DYM: variants seen among roughly 807,000 people sequenced by gnomAD.
The protein encoded by DYM is dyggve-Melchior-Clausen syndrome protein.
In DYM, 78 loss-of-function variants were observed where a neutral mutation model predicts 93.1. The observed-to-expected ratio is 0.84, with a 90% CI of 0.70 to 1.01. DYM has a LOEUF of 1.01. DYM is among the 50% of genes least tolerant of loss of function. The probability of loss-of-function intolerance (pLI) is 0.00; values close to 1 mark genes in which losing one functional copy is unlikely to be tolerated. For synonymous variants in DYM, 321 were observed against 319.7 expected (o/e 1.00, Z -0.04); for missense variants, 789 against 845.0 (o/e 0.93, Z 0.82).
intron 2 of DYM, among the ~76,000 whole-genome samples, chr18:49,400,863 T>C (rs2070732900): frequency 6.6e-6 from 1 of 152,198 alleles, no homozygotes; most frequent in African/African-American, 2.4e-5. Context: ...TTGCTGCCTG[T>C]TACAGGCATC....
In DYM at chr18:49,274,481, A is replaced by G. The variant is rs536526945; in HGVS notation, c.1126-2178T>C. Among the ~76,000 whole-genome samples, 19 of 152,266 alleles carry G rather than the reference A, an allele frequency of 1.2e-4. No homozygotes were observed. In the South Asian group the frequency reaches 3.9e-3, roughly 32 times the overall value. On this transcript the variant is annotated intron_variant, in intron 10 of 17. Coordinates refer to ENST00000675505, the MANE Select transcript of DYM (RefSeq NM_001353214.3). ...CATTTACAAGTTTTCCTGCAGACATATACTCATTTCTCTTGGGTATATATC... is the reference window on the plus strand; with the variant it reads ...CATTTACAAGTTTTCCTGCAGACATGTACTCATTTCTCTTGGGTATATATC...
intron 16 of DYM, among the ~76,000 whole-genome samples, chr18:49,098,955 G>A (rs1301950857): frequency 6.6e-6 from 1 of 152,058 alleles, no homozygotes; most frequent in Non-Finnish European, 1.5e-5. Flanking sequence ...ATCTTCACAG[G>A]TTGTAAACTG....
chr18:49,169,954 C>T (rs181429140), intron 14 of DYM, among the ~76,000 whole-genome samples: 162 of 152,060 alleles, frequency 1.1e-3, no homozygotes, highest in African/African-American at 3.1e-3. Context: ...CAGCATGGAG[C>T]GGGAAAGAAG....
intron 17 of DYM, among the ~76,000 whole-genome samples, chr18:49,085,915 T>C (rs2078483120): frequency 1.3e-5 from 2 of 152,188 alleles, no homozygotes; most frequent in Non-Finnish European, 2.9e-5. Context: ...ACTGGTTCTA[T>C]TTTTTTAAGC....
chr18:49,422,961 C>A (rs1332195339), intron 2 of DYM, among the ~76,000 whole-genome samples: 2 of 152,156 alleles, frequency 1.3e-5, no homozygotes, highest in Non-Finnish European at 1.5e-5. Context: ...GACTTTCACA[C>A]CCCACTGTCA....
At chr18:49,336,729 C>T (rs1321184245) in intron 6 of DYM, among the ~76,000 whole-genome samples, 1 of 152,144 alleles carries the variant, frequency 6.6e-6, no homozygotes, top group Non-Finnish European at 1.5e-5. Context: ...GACAAGGCTC[C>T]TGCCTTTATG....
chr18:49,156,993 C>T (rs1179068938), intron 15 of DYM, among the ~76,000 whole-genome samples: 1 of 151,772 alleles, frequency 6.6e-6, no homozygotes, highest in Non-Finnish European at 1.5e-5. Flanking sequence ...GGAAGCCTGC[C>T]AACATGGCCC....
At chr18:49,259,540 T>G (rs890669816) in intron 11 of DYM, among the ~76,000 whole-genome samples, 2 of 152,174 alleles carry the variant, frequency 1.3e-5, no homozygotes, top group Admixed American at 6.5e-5. Context: ...CTAAATGCAG[T>G]AGACGTTGGA....
chr18:49,295,459 G>T (rs1162271572), intron 8 of DYM, among the ~76,000 whole-genome samples: 2 of 152,164 alleles, frequency 1.3e-5, no homozygotes, highest in African/African-American at 4.8e-5. Flanking sequence ...TTAAAAGGAA[G>T]CTATTTTCTC....
chr18:49,073,329 T>C (rs2077041082), intron 17 of DYM, among the ~76,000 whole-genome samples: 1 of 152,228 alleles, frequency 6.6e-6, no homozygotes, highest in Admixed American at 6.5e-5. Flanking sequence ...AATTCAGAAT[T>C]GGCCAAAGTA....
intron 2 of DYM, among the ~76,000 whole-genome samples, chr18:49,396,682 C>T (rs2070133664): frequency 6.6e-6 from 1 of 152,066 alleles, no homozygotes; most frequent in Non-Finnish European, 1.5e-5. Flanking sequence ...ACCTAAGTAT[C>T]CATCAATGGA....
At chr18:49,234,699 T>A (rs1002594098) in intron 13 of DYM, among the ~76,000 whole-genome samples, 2 of 152,118 alleles carry the variant, frequency 1.3e-5, no homozygotes, top group Non-Finnish European at 2.9e-5. Flanking sequence ...ACATTACAGG[T>A]CAAAAGGTAA....
intron 17 of DYM, among the ~76,000 whole-genome samples, chr18:49,057,053 G>C (rs1268134899): frequency 6.6e-6 from 1 of 152,194 alleles, no homozygotes; most frequent in Admixed American, 6.5e-5. Context: ...TCATATCTCA[G>C]TGTGTTAGCA....
At chr18:49,082,395 T>C (rs1402458332) in intron 17 of DYM, among the ~76,000 whole-genome samples, 1 of 152,254 alleles carries the variant, frequency 6.6e-6, no homozygotes, top group Non-Finnish European at 1.5e-5. Flanking sequence ...GGGTGTATTA[T>C]CTGGTAGGGT....
chr18:49,289,806 T>C (rs1489248214), intron 8 of DYM, among the ~76,000 whole-genome samples: 1 of 121,530 alleles, frequency 8.2e-6, no homozygotes, highest in Non-Finnish European at 1.8e-5. Flanking sequence ...TATATATATA[T>C]ATACACATAT....
chr18:49,185,732 G>A (rs1209149940), intron 14 of DYM, among the ~76,000 whole-genome samples: 3 of 152,158 alleles, frequency 2.0e-5, no homozygotes, highest in Non-Finnish European at 4.4e-5. Flanking sequence ...ACATGGCCTC[G>A]TTTAATCCTG....
chr18:49,374,906 C>A (rs1300018496), intron 5 of DYM, among the ~76,000 whole-genome samples: 2 of 151,870 alleles, frequency 1.3e-5, no homozygotes, highest in African/African-American at 4.8e-5. Context: ...TTGCAGTGAG[C>A]CGAGATCGTT....
chr18:49,332,030 C>A, intron 7 of DYM, 24 bp from the exon 8 acceptor site: 3 of 1,604,824 alleles, frequency 1.9e-6, no homozygotes, highest in Middle Eastern at 1.8e-4. Context: ...AAAAAAAAAT[C>A]AAACTCATAT....
intron 12 of DYM, among the ~76,000 whole-genome samples, chr18:49,257,390 C>T (rs941903206): frequency 6.6e-6 from 1 of 152,170 alleles, no homozygotes; most frequent in African/African-American, 2.4e-5. Context: ...CAGCATGCTA[C>T]TTAAGGCCCT....
Sources: allele counts gnomAD v4.1 joint callset (sites outside exome capture counted in the v4.1 genomes callset), GRCh38; gene constraint gnomAD v4.1.1; transcripts MANE v1.5; gene names NCBI Gene and HGNC (gene_info 2026-07-23, HGNC 2026-07-21).